CORO2B: variants seen among roughly 807,000 people sequenced by gnomAD.
CORO2B encodes coronin-2B.
Under a neutral mutation model 58.8 loss-of-function variants are expected in CORO2B, and 26 were observed. The observed-to-expected ratio is 0.44, with a 90% CI of 0.32 to 0.61. CORO2B has a LOEUF of 0.61. CORO2B is among the 20% of genes least tolerant of loss of function. The probability of loss-of-function intolerance (pLI) is 0.04; values close to 1 mark genes in which losing one functional copy is unlikely to be tolerated. For missense variants in CORO2B, 460 were observed against 645.1 expected, an observed-to-expected ratio of 0.71 and a Z score of 3.11; for synonymous variants, 242 against 253.8, an observed-to-expected ratio of 0.95 and a Z score of 0.44.
chr15:68,543,947 A>G, the CORO2B span, among the ~76,000 whole-genome samples: 1 of 152,026 alleles, frequency 6.6e-6, no homozygotes, highest in Non-Finnish European at 1.5e-5. Context: ...TACCTCTCTC[A>G]AGTCCTCTAC....
chr15:68,599,604 A>G (rs1199030951), intron 1 of CORO2B, among the ~76,000 whole-genome samples: 1 of 151,770 alleles, frequency 6.6e-6, no homozygotes, highest in Admixed American at 6.6e-5. Flanking sequence ...CAATTGCCCC[A>G]CCCCCACGCT....
At chr15:68,607,328 C>T (rs1177769142) in intron 1 of CORO2B, among the ~76,000 whole-genome samples, 1 of 152,190 alleles carries the variant, frequency 6.6e-6, no homozygotes, top group Non-Finnish European at 1.5e-5. Flanking sequence ...ATGGCTTGAG[C>T]TTCCTCATGG....
At chr15:68,621,670 T>C (rs1900523468) in intron 1 of CORO2B, among the ~76,000 whole-genome samples, 1 of 152,138 alleles carries the variant, frequency 6.6e-6, no homozygotes, top group Non-Finnish European at 1.5e-5. Context: ...AGGGAAGCAA[T>C]GTGACTTAAG....
chr15:68,547,198 G>C, the CORO2B span, among the ~76,000 whole-genome samples: 1 of 152,088 alleles, frequency 6.6e-6, no homozygotes. Context: ...AATGCAAAGA[G>C]AGCAACCCGA....
chr15:68,713,000 G>A (rs1381597653), intron 5 of CORO2B, among the ~76,000 whole-genome samples: 3 of 152,106 alleles, frequency 2.0e-5, no homozygotes, highest in South Asian at 4.1e-4. Flanking sequence ...AGTGTGTGAC[G>A]CCAGCCTGAA....
upstream of CORO2B, chr15:68,578,964 C>G (rs1180937963): frequency 1.1e-6 from 1 of 919,350 alleles, no homozygotes; most frequent in Non-Finnish European, 1.3e-6. The surrounding 1 kb of genome is among the most constrained non-coding windows in gnomAD (Gnocchi z 4.2). Context: ...CCCCGCCCCC[C>G]AGCCCGGGCC....
intron 1 of CORO2B, among the ~76,000 whole-genome samples, chr15:68,623,497 C>G (rs1035197511): frequency 6.6e-6 from 1 of 152,116 alleles, no homozygotes; most frequent in African/African-American, 2.4e-5. Context: ...CCACCCCACC[C>G]CATCCCATCC....
At chr15:68,587,047 T>TACACAC (rs1491576017) in intron 1 of CORO2B, among the ~76,000 whole-genome samples, 1 of 141,734 alleles carries the variant, frequency 7.1e-6, no homozygotes, top group Admixed American at 7.0e-5. Context: ...GGGAGATATG[T>TACACAC]ATACACACAC....
intron 2 of CORO2B, among the ~76,000 whole-genome samples, chr15:68,688,431 GTGAA>G (rs1903059131): frequency 6.6e-6 from 1 of 152,094 alleles, no homozygotes; most frequent in African/African-American, 2.4e-5. Flanking sequence ...GATGCTCAAA[GTGAA>G]TGCTCTTTGA....
the CORO2B span, among the ~76,000 whole-genome samples, chr15:68,549,261 T>TGTCCTCCCCC: frequency 6.6e-6 from 1 of 152,212 alleles, no homozygotes; most frequent in Non-Finnish European, 1.5e-5. Context: ...TCACAGGCCA[T>TGTCCTCCCCC]ATTGCTATGT....
chr15:68,620,661 C>T (rs1900490159), intron 1 of CORO2B, among the ~76,000 whole-genome samples: 1 of 152,134 alleles, frequency 6.6e-6, no homozygotes, highest in African/African-American at 2.4e-5. Context: ...TTCTCTCATT[C>T]CTTTTTTTAA....
Position 68,622,121 on chromosome 15 carries a change from C to T in CORO2B, c.16-23039C>T, listed in dbSNP as rs546273456. ...TTTAAAATGGGGATAATCTCTTTTG[C>T]TTAGGAGTGAGAATTAAATGAGACG... On this transcript the variant is annotated intron_variant, in intron 1 of 11. Transcript: ENST00000261861. Among the ~76,000 whole-genome samples the T allele has an allele frequency of 2.0e-5, 3 of 152,204 alleles. No individual in the cohort carries two copies. The South Asian group carries it at 6.2e-4, about 32-fold the overall frequency.
intron 8 of CORO2B, among the ~76,000 whole-genome samples, chr15:68,716,768 C>G (rs529938314): frequency 5.3e-5 from 8 of 151,812 alleles, no homozygotes; most frequent in Admixed American, 6.6e-5. Context: ...CCAGAATGAG[C>G]CTGGCATGTT....
chr15:68,556,790 C>A, the CORO2B span, among the ~76,000 whole-genome samples: 4 of 152,360 alleles, frequency 2.6e-5, no homozygotes, highest in South Asian at 8.3e-4. Flanking sequence ...GGACTCACTG[C>A]CCAAGCCCAC....
chr15:68,591,529 G>A lies in CORO2B; in HGVS notation c.15+12252G>A, dbSNP rs551051686. 3.9e-3 allele frequency among the ~76,000 whole-genome samples: 597 copies of A among 152,316 alleles called. 2 individuals are homozygous for A. Among genetic ancestry groups the A allele is most frequent in the Non-Finnish European group, 7.3e-3 (498 of 68,036 alleles). On this transcript the variant is annotated intron_variant, in intron 1 of 11. Transcript: ENST00000261861. ...GAGGGGCTTTAAGCAAAGGAGTGAT[G>A]TGATCCCATTCACACTTTAGGTGGT... is the stretch of plus-strand genomic sequence containing the variant.
At chr15:68,656,419 G>A (rs1901809633) in intron 2 of CORO2B, among the ~76,000 whole-genome samples, 2 of 152,016 alleles carry the variant, frequency 1.3e-5, no homozygotes, top group African/African-American at 4.8e-5. Context: ...GAGCATGAGA[G>A]GTGGAAGGTA....
At position 68,685,094 on chromosome 15, in the gene CORO2B, CATG is replaced by C. The variant is rs879738194; in HGVS notation, c.217-10043_217-10041del. Among the ~76,000 whole-genome samples, 305 of 152,330 alleles carry C rather than the reference CATG, an allele frequency of 2.0e-3. 1 individual carries two copies. The highest frequency in any genetic ancestry group is 3.6e-3 in the Non-Finnish European group (244 of 68,028). On this transcript the variant is annotated intron_variant, in intron 2 of 11. Coordinates refer to ENST00000261861, the MANE Select transcript of CORO2B (RefSeq NM_006091.5). ...TAAATCACCCATCTGCTGGGTTCAGCATGATCCACTGCCCTCGGTACTCCTTTA... is the reference window on the plus strand; with the variant it reads ...TAAATCACCCATCTGCTGGGTTCAGCATCCACTGCCCTCGGTACTCCTTTA...
chr15:68,570,647 A>G, the CORO2B span, among the ~76,000 whole-genome samples: 1 of 152,190 alleles, frequency 6.6e-6, no homozygotes, highest in African/African-American at 2.4e-5. Flanking sequence ...AGTACAATGA[A>G]GGCTTTGGAA....
chr15:68,641,006 G>C (rs964483050), intron 1 of CORO2B, among the ~76,000 whole-genome samples: 4 of 152,158 alleles, frequency 2.6e-5, no homozygotes, highest in African/African-American at 7.2e-5. Flanking sequence ...TCCACGCCCA[G>C]GGTTGTGGAG....
Sources: allele counts gnomAD v4.1 joint callset (sites outside exome capture counted in the v4.1 genomes callset), GRCh38; gene constraint gnomAD v4.1.1; non-coding constraint Gnocchi (gnomAD v3.1); transcripts MANE v1.5; gene names NCBI Gene and HGNC (gene_info 2026-07-23, HGNC 2026-07-21).